Variants in CCDC178 observed in about 807,000 individuals in gnomAD.
The protein encoded by CCDC178 is coiled-coil domain containing 178, also known as coiled-coil domain-containing protein 178.
CCDC178 carries 126 observed loss-of-function variants against 117.4 expected under a neutral mutation model. The ratio of observed to expected loss-of-function variants is 1.07; its 90% CI spans 0.93 to 1.24. The LOEUF is 1.24. CCDC178 is among the 50% of genes most tolerant of loss of function. The pLI is 0.00. For synonymous variants in CCDC178, 283 were observed against 313.4 expected (o/e 0.90, Z 1.02); for missense variants, 1,030 against 986.9 (o/e 1.04, Z -0.59).
chr18:32,961,478 C>T (rs978647949), intron 22 of CCDC178, among the ~76,000 whole-genome samples: 1 of 152,032 alleles, frequency 6.6e-6, no homozygotes, highest in Non-Finnish European at 1.5e-5. Flanking sequence ...CCAGTCTTTT[C>T]TTTTGTAAAG....
intron 20 of CCDC178, among the ~76,000 whole-genome samples, chr18:33,145,734 C>T (rs553173984): frequency 6.6e-6 from 1 of 152,164 alleles, no homozygotes; most frequent in African/African-American, 2.4e-5. Flanking sequence ...CTTCAGCTTT[C>T]TCTTCTACTG....
At chr18:33,331,501 C>G (rs778603335) in intron 10 of CCDC178, among the ~76,000 whole-genome samples, 1 of 151,974 alleles carries the variant, frequency 6.6e-6, no homozygotes, top group African/African-American at 2.4e-5. Context: ...AAACTTCCAG[C>G]AACCTAGGTA....
At chr18:33,022,035 C>A (rs980781972) in intron 21 of CCDC178, among the ~76,000 whole-genome samples, 1 of 152,098 alleles carries the variant, frequency 6.6e-6, no homozygotes, top group African/African-American at 2.4e-5. Context: ...ATTTGGGAAA[C>A]AAACATCTTA....
At chr18:33,020,008 C>T (rs1019461978) in intron 21 of CCDC178, among the ~76,000 whole-genome samples, 3 of 150,104 alleles carry the variant, frequency 2.0e-5, no homozygotes, top group African/African-American at 7.3e-5. Flanking sequence ...TGCAGTGGTG[C>T]GATCTAAGTT....
At chr18:33,123,052 T>C (rs1032266325) in intron 20 of CCDC178, among the ~76,000 whole-genome samples, 1 of 152,176 alleles carries the variant, frequency 6.6e-6, no homozygotes, top group African/African-American at 2.4e-5. Flanking sequence ...GCTGTCAGCA[T>C]ACAGGGTACC....
intron 3 of CCDC178, among the ~76,000 whole-genome samples, chr18:33,399,326 G>A (rs2063680329): frequency 6.6e-6 from 1 of 152,204 alleles, no homozygotes; most frequent in African/African-American, 2.4e-5. Context: ...GAAGGTTGGA[G>A]TGTCTGTGGT....
chr18:33,227,485 G>T (rs1175914370), intron 15 of CCDC178, among the ~76,000 whole-genome samples: 1 of 149,812 alleles, frequency 6.7e-6, no homozygotes, highest in African/African-American at 2.5e-5. Context: ...TTTGAGGGAG[G>T]AGTTGGCTGG....
At chr18:33,013,135 T>C (rs2055907691) in intron 21 of CCDC178, among the ~76,000 whole-genome samples, 1 of 152,170 alleles carries the variant, frequency 6.6e-6, no homozygotes, top group Admixed American at 6.5e-5. Context: ...AGAATACTTT[T>C]ATGAGGCTTA....
At chr18:33,219,088 G>C (rs957987981) in intron 18 of CCDC178, among the ~76,000 whole-genome samples, 1 of 152,088 alleles carries the variant, frequency 6.6e-6, no homozygotes, top group Admixed American at 6.6e-5. Context: ...CGATCAACAT[G>C]GAATGTTCTT....
chr18:32,968,422 A>G (rs1018983847), intron 22 of CCDC178, among the ~76,000 whole-genome samples: 1 of 151,880 alleles, frequency 6.6e-6, no homozygotes, highest in Admixed American at 6.6e-5. Context: ...GGTTGATTTC[A>G]AGTGTTGGCT....
At chr18:33,423,165 C>T (rs2064054651) in intron 2 of CCDC178, among the ~76,000 whole-genome samples, 1 of 151,982 alleles carries the variant, frequency 6.6e-6, no homozygotes, top group Non-Finnish European at 1.5e-5. Context: ...ATAACCCGGC[C>T]TAAAAAAATA....
chr18:33,058,649 G>A (rs537613502), intron 21 of CCDC178, among the ~76,000 whole-genome samples: 13 of 152,302 alleles, frequency 8.5e-5, no homozygotes, highest in Non-Finnish European at 1.8e-4. Context: ...CCAAGTATTT[G>A]ACAGCTGAAA....
chr18:33,012,888 C>T (rs1212148214), intron 21 of CCDC178, among the ~76,000 whole-genome samples: 4 of 152,092 alleles, frequency 2.6e-5, no homozygotes, highest in African/African-American at 9.7e-5. Flanking sequence ...TTTAAAACCA[C>T]CCATTTTCTT....
At chr18:33,292,183 T>C (rs1000842175) in intron 12 of CCDC178, among the ~76,000 whole-genome samples, 1 of 152,188 alleles carries the variant, frequency 6.6e-6, no homozygotes, top group Non-Finnish European at 1.5e-5. Context: ...ATCAACCTGC[T>C]TCCATCAATG....
At position 33,419,704 on chromosome 18, in the gene CCDC178, C is replaced by T. The variant is rs1309333095; in HGVS notation, c.-22-7594G>A. ...AAAAAATGCTCAACATCATTAATCA[C>T]TAGAGAAATGCTAATCAAAACCACA... On this transcript the variant is annotated intron_variant, in intron 2 of 22. Coordinates refer to ENST00000383096, the MANE Select transcript of CCDC178 (RefSeq NM_001105528.4). 2.0e-5 allele frequency among the ~76,000 whole-genome samples: 3 copies of T among 152,146 alleles called. No homozygotes were observed. In the East Asian group the frequency reaches 5.8e-4, roughly 29 times the overall value.
intron 21 of CCDC178, among the ~76,000 whole-genome samples, chr18:33,080,136 G>C (rs899548791): frequency 2.6e-5 from 4 of 152,134 alleles, no homozygotes; most frequent in African/African-American, 9.7e-5. Context: ...AATGTGGATG[G>C]AGCTGGAGGC....
chr18:33,091,320 CATTCTTT>C (rs2057458886), intron 21 of CCDC178, among the ~76,000 whole-genome samples: 4 of 27,076 alleles, frequency 1.5e-4, no homozygotes, highest in Admixed American at 5.2e-4. Context: ...ACACTTATTT[CATTCTTT>C]TTTTTTTTTT....
At chr18:33,345,157 A>G (rs1024139728) in intron 9 of CCDC178, among the ~76,000 whole-genome samples, 2 of 152,118 alleles carry the variant, frequency 1.3e-5, no homozygotes, top group African/African-American at 4.8e-5. Context: ...GGTTTAAATG[A>G]TAGATCATAT....
At chr18:33,062,582 G>A (rs991244869) in intron 21 of CCDC178, among the ~76,000 whole-genome samples, 2 of 152,152 alleles carry the variant, frequency 1.3e-5, no homozygotes, top group Non-Finnish European at 2.9e-5. Context: ...AAGCAAGAGA[G>A]CCCCAGCAGT....
Sources: gnomAD v4.1 joint callset for allele counts (sites outside exome capture counted in the v4.1 genomes callset) on GRCh38, gnomAD v4.1.1 for gene constraint, MANE v1.5 for transcripts, NCBI Gene and HGNC (gene_info 2026-07-23, HGNC 2026-07-21) for gene names.